The following PLCXD3 variants were observed in gnomAD, a reference collection of about 807,000 sequenced individuals.
The protein encoded by PLCXD3 is PI-PLC X domain-containing protein 3.
PLCXD3 carries 19 observed loss-of-function variants against 25.5 expected under a neutral mutation model. The ratio of observed to expected loss-of-function variants is 0.75; its 90% CI spans 0.52 to 1.09. The LOEUF (loss-of-function observed/expected upper bound fraction) is 1.09. Among genes scored for constraint, PLCXD3 ranks in the 50% least tolerant of loss-of-function variants. The pLI, the probability that PLCXD3 is intolerant of heterozygous loss-of-function variation, is 0.00. For missense variants in PLCXD3, 411 were observed against 388.1 expected, an observed-to-expected ratio of 1.06 and a Z score of -0.50; for synonymous variants, 174 against 137.6, an observed-to-expected ratio of 1.26 and a Z score of -1.85.
At chr5:41,446,333 T>C (rs984510977) in intron 1 of PLCXD3, among the ~76,000 whole-genome samples, 2 of 151,934 alleles carry the variant, frequency 1.3e-5, no homozygotes, top group African/African-American at 4.8e-5. Flanking sequence ...CTTTGGAGAA[T>C]GGATTGGCCA....
chr5:41,476,861 C>A (rs1156259802), intron 1 of PLCXD3, among the ~76,000 whole-genome samples: 1 of 152,242 alleles, frequency 6.6e-6, no homozygotes, highest in South Asian at 2.1e-4. Context: ...GTGTTTCCAT[C>A]AAGGCTTCAA....
At chr5:41,387,314 A>G (rs557423585) in intron 1 of PLCXD3, among the ~76,000 whole-genome samples, 1 of 152,224 alleles carries the variant, frequency 6.6e-6, no homozygotes, top group East Asian at 1.9e-4. Context: ...TGATTCTAGC[A>G]TGATCCTGAG....
intron 2 of PLCXD3, among the ~76,000 whole-genome samples, chr5:41,346,995 T>C (rs1190368033): frequency 6.6e-6 from 1 of 152,228 alleles, no homozygotes; most frequent in African/African-American, 2.4e-5. Context: ...TGGATATAAG[T>C]TTGCAATTCA....
At chr5:41,475,132 A>G (rs544477366) in intron 1 of PLCXD3, among the ~76,000 whole-genome samples, 1 of 152,300 alleles carries the variant, frequency 6.6e-6, no homozygotes, top group East Asian at 1.9e-4. Flanking sequence ...TATGTACCAA[A>G]CTCCAAACAA....
intron 1 of PLCXD3, among the ~76,000 whole-genome samples, chr5:41,482,473 T>A (rs183411490): frequency 6.6e-6 from 1 of 152,274 alleles, no homozygotes; most frequent in East Asian, 1.9e-4. Context: ...TTAACCCTTA[T>A]CAGCAGGATA....
chr5:41,324,597 T>C (rs1743569274), intron 2 of PLCXD3, among the ~76,000 whole-genome samples: 1 of 152,208 alleles, frequency 6.6e-6, no homozygotes, highest in Non-Finnish European at 1.5e-5. Context: ...CTGGATCCCA[T>C]GTCTGAATAT....
intron 1 of PLCXD3, among the ~76,000 whole-genome samples, chr5:41,394,891 C>T (rs1745949463): frequency 6.6e-6 from 1 of 152,072 alleles, no homozygotes; most frequent in African/African-American, 2.4e-5. Flanking sequence ...GACTTTAACA[C>T]CACACTTTCA....
At chr5:41,348,488 C>G (rs2150480128) in intron 2 of PLCXD3, among the ~76,000 whole-genome samples, 1 of 152,244 alleles carries the variant, frequency 6.6e-6, no homozygotes, top group African/African-American at 2.4e-5. Context: ...AGGTAGCACT[C>G]TAGCTTAACT....
intron 1 of PLCXD3, among the ~76,000 whole-genome samples, chr5:41,435,426 T>C (rs1007565465): frequency 1.3e-5 from 2 of 152,136 alleles, no homozygotes; most frequent in African/African-American, 4.8e-5. Context: ...TCTGGCTGCA[T>C]TGTGTGATAG....
chr5:41,399,976 C>A (rs548534715), intron 1 of PLCXD3, among the ~76,000 whole-genome samples: 1 of 152,114 alleles, frequency 6.6e-6, no homozygotes, highest in Admixed American at 6.5e-5. Context: ...ATATAAGGAG[C>A]TCAAACAGCT....
At chr5:41,376,589 C>T (rs1396556713) in intron 2 of PLCXD3, among the ~76,000 whole-genome samples, 2 of 152,114 alleles carry the variant, frequency 1.3e-5, no homozygotes, top group Non-Finnish European at 2.9e-5. Context: ...CCATGCTTTG[C>T]TCTTGCTATT....
intron 2 of PLCXD3, among the ~76,000 whole-genome samples, chr5:41,352,274 C>T (rs1744484849): frequency 6.6e-6 from 1 of 152,166 alleles, no homozygotes; most frequent in African/African-American, 2.4e-5. Flanking sequence ...TGCCCATGAA[C>T]ATCCTTGCCT....
chr5:41,396,112 T>C (rs972817827), intron 1 of PLCXD3, among the ~76,000 whole-genome samples: 6 of 151,938 alleles, frequency 3.9e-5, no homozygotes, highest in Non-Finnish European at 4.4e-5. Flanking sequence ...AATTCAACAA[T>C]AGATTAGAAA....
chr5:41,464,986 C>G (rs1284633936), intron 1 of PLCXD3, among the ~76,000 whole-genome samples: 1 of 151,992 alleles, frequency 6.6e-6, no homozygotes, highest in Non-Finnish European at 1.5e-5. Context: ...TTCAAAATAT[C>G]TGCTTCTTGT....
intron 1 of PLCXD3, among the ~76,000 whole-genome samples, chr5:41,433,509 C>T (rs1315662319): frequency 6.6e-6 from 1 of 152,140 alleles, no homozygotes; most frequent in Admixed American, 6.5e-5. Context: ...CTAAACACCC[C>T]TTTCCACCAT....
chr5:41,335,131 G>A (rs901840422), intron 2 of PLCXD3, among the ~76,000 whole-genome samples: 2 of 152,124 alleles, frequency 1.3e-5, no homozygotes, highest in Non-Finnish European at 2.9e-5. Context: ...AATGCACGGG[G>A]AATTTGGGTA....
At chr5:41,481,202 G>C (rs1748408172) in intron 1 of PLCXD3, among the ~76,000 whole-genome samples, 1 of 150,968 alleles carries the variant, frequency 6.6e-6, no homozygotes. Context: ...AATACTTCCT[G>C]AATATTTAGT....
chr5:41,444,790 G>A (rs567292269), intron 1 of PLCXD3, among the ~76,000 whole-genome samples: 4 of 152,194 alleles, frequency 2.6e-5, no homozygotes, highest in Non-Finnish European at 2.9e-5. Flanking sequence ...TAGCAAAGCC[G>A]TGCCTAAGTT....
At chr5:41,459,827 G>A (rs1747835231) in intron 1 of PLCXD3, among the ~76,000 whole-genome samples, 1 of 151,816 alleles carries the variant, frequency 6.6e-6, no homozygotes, top group African/African-American at 2.4e-5. Context: ...CCCAACTTAA[G>A]GATTGCTGCC....
Sources: gnomAD v4.1 joint callset for allele counts (sites outside exome capture counted in the v4.1 genomes callset) on GRCh38, gnomAD v4.1.1 for gene constraint, MANE v1.5 for transcripts, NCBI Gene and HGNC (gene_info 2026-07-23, HGNC 2026-07-21) for gene names.